The following CCDC74A variants were observed in gnomAD, a reference collection of about 807,000 sequenced individuals.
CCDC74A encodes coiled-coil domain-containing protein 74A.
CCDC74A carries 38 observed loss-of-function variants against 37.6 expected under a neutral mutation model. The ratio of observed to expected loss-of-function variants is 1.01; its 90% CI spans 0.78 to 1.33. CCDC74A has a LOEUF of 1.33. Among genes scored for constraint, CCDC74A ranks in the 40% most tolerant of loss-of-function variants. CCDC74A has a pLI of 0.00. For synonymous variants in CCDC74A, 134 were observed against 165.2 expected (o/e 0.81, Z 1.45); for missense variants, 340 against 403.4 (o/e 0.84, Z 1.35).
chr2:131,528,806 G>C (rs773959206), intron 1 of CCDC74A, among the ~76,000 whole-genome samples: 2 of 152,134 alleles, frequency 1.3e-5, no homozygotes, highest in Non-Finnish European at 2.9e-5. Flanking sequence ...GCGAGACTCC[G>C]TCTCAAAAAA....
chr2:131,523,673 C>G (rs12464324), upstream of CCDC74A, among the ~76,000 whole-genome samples: 33,979 of 152,084 alleles, frequency 0.22, 4,942 homozygotes, highest in East Asian at 0.67. Flanking sequence ...GCGCCAGGGA[C>G]AGGCCATTTC....
At chr2:131,529,842 C>T in intron 2 of CCDC74A, 151 bp downstream of exon 2, 1 of 1,509,940 alleles carries the variant, frequency 6.6e-7, no homozygotes, top group Non-Finnish European at 8.9e-7. Context: ...GCCGCTACCT[C>T]TAGCCGTGGC....
upstream of CCDC74A, among the ~76,000 whole-genome samples, chr2:131,524,292 A>G (rs1323241855): frequency 1.3e-5 from 2 of 152,158 alleles, no homozygotes; most frequent in African/African-American, 4.8e-5. Flanking sequence ...GGAGATGTGT[A>G]TGGGTGCCAG....
upstream of CCDC74A, among the ~76,000 whole-genome samples, chr2:131,526,554 A>T (rs1237406547): frequency 1.3e-5 from 2 of 152,154 alleles, no homozygotes; most frequent in African/African-American, 4.8e-5. Flanking sequence ...TAGCATATTA[A>T]TCATAGTTGT....
Position 131,533,261 on chromosome 2 carries a change from C to G in CCDC74A, c.810-8C>G. ...TGCTCACGGTGACAGTCCCTCTACCCGCCCCAGCCTGAGCCCACCTGTGGC... is the reference window on the plus strand; with the variant it reads ...TGCTCACGGTGACAGTCCCTCTACCGGCCCCAGCCTGAGCCCACCTGTGGC... On this transcript the variant is annotated splice_region_variant and splice_polypyrimidine_tract_variant and intron_variant, in intron 7 of 7. Coordinates refer to ENST00000409856, the MANE Select transcript of CCDC74A (RefSeq NM_001258306.3). 6.2e-7 allele frequency: 1 copy of G among 1,612,562 alleles called. No individual in the cohort carries two copies. The highest frequency in any genetic ancestry group is 8.5e-7 in the Non-Finnish European group (1 of 1,179,782).
intron 1 of CCDC74A, 187 bp downstream of exon 1, chr2:131,528,407 C>T (rs1438631864): frequency 2.1e-5 from 33 of 1,550,622 alleles, no homozygotes; most frequent in Non-Finnish European, 2.7e-5. Context: ...CGCGTGGCCC[C>T]CGGGCAGTGC....
chr2:131,532,650 G>A lies in CCDC74A; in HGVS notation c.547G>A (p.Gly183Ser). 2 of 1,612,180 alleles carry A rather than the reference G, an allele frequency of 1.2e-6. No homozygotes were observed. Among genetic ancestry groups the A allele is most frequent in the Non-Finnish European group, 1.7e-6 (2 of 1,179,096 alleles). ...AACMGNSQHQ[G>S]RQMGAGAHPP... ...CTGTATGGGGAACAGCCAGCACCAG[G>A]GCAGGCAGATGGGGGCGGGGGCACA... The change falls in exon 5 of 8, where the codon GGC (glycine) becomes AGC (serine). Residue 183 changes from glycine to serine, a missense_variant. Gly to Ser is a moderately conservative substitution (Grantham distance 56, BLOSUM62 0). Coordinates refer to ENST00000409856, the MANE Select transcript of CCDC74A (RefSeq NM_001258306.3).
intron 2 of CCDC74A, chr2:131,530,007 C>T: frequency 6.5e-7 from 1 of 1,549,322 alleles, no homozygotes; most frequent in Non-Finnish European, 8.7e-7. Context: ...ACAGCCCCTG[C>T]CCTGCTAGAT....
At chr2:131,522,959 C>T (rs1340697026), upstream of CCDC74A, among the ~76,000 whole-genome samples, 6 of 152,162 alleles carry the variant, frequency 3.9e-5, no homozygotes, top group Non-Finnish European at 7.4e-5. Context: ...GGCTGGAGTG[C>T]ACTGCACCAT....
chr2:131,531,011 G>A (rs1573542900), intron 3 of CCDC74A, among the ~76,000 whole-genome samples, 184 bp downstream of exon 3: 1 of 152,196 alleles, frequency 6.6e-6, no homozygotes, highest in East Asian at 1.9e-4. Context: ...AAGGGGGGGT[G>A]GGCAGGACCA....
chr2:131,523,919 G>T (rs1454011195), upstream of CCDC74A, among the ~76,000 whole-genome samples: 1 of 151,916 alleles, frequency 6.6e-6, no homozygotes, highest in African/African-American at 2.4e-5. Flanking sequence ...CTATGGGAAG[G>T]ATCATGGGAA....
intron 3 of CCDC74A, among the ~76,000 whole-genome samples, chr2:131,531,386 G>A (rs1012310651): frequency 3.3e-5 from 5 of 151,846 alleles, no homozygotes; most frequent in African/African-American, 1.2e-4. Context: ...TGGGTCCCAA[G>A]CCTCTCATGC....
In CCDC74A at chr2:131,533,609, G is replaced by A. The variant is rs545409053; in HGVS notation, c.*211G>A. ...ATTTGGCATTTACATAAAAGCACAC[G>A]ATGAAGCAGGTATCGCCTTACCTGT... On this transcript the variant is annotated 3_prime_UTR_variant, in exon 8 of 8. Transcript: ENST00000409856. 3.0e-5 allele frequency: 19 copies of A among 641,510 alleles called. No homozygotes were observed. Among genetic ancestry groups the A allele is most frequent in the East Asian group, 2.0e-4 (7 of 35,670 alleles). 39.7% of individuals were successfully genotyped at this position (641,510 alleles called of 1,614,324 possible).
rs773854683 is a variant in CCDC74A, at chr2:131,533,281, T to A, written c.822T>A (p.Pro274=). The change falls in exon 8 of 8, where the codon CCT becomes CCA. Residue 274 remains proline (P), a synonymous_variant. Coordinates refer to ENST00000409856, the MANE Select transcript of CCDC74A (RefSeq NM_001258306.3). ...KSLSKKCLSP[P]VAERAILPAL... is the part of the protein sequence containing the mutation. The stretch of plus-strand genomic sequence containing the variant: ...CTACCCGCCCCAGCCTGAGCCCACC[T>A]GTGGCGGAGCGTGCCATCCTGCCCG... The A allele has an allele frequency of 6.2e-7, 1 of 1,613,066 alleles. No homozygotes were observed. The highest frequency in any genetic ancestry group is 8.5e-7 in the Non-Finnish European group (1 of 1,179,906).
Position 131,532,932 on chromosome 2 carries a change from T to C in CCDC74A, c.747T>C (p.Phe249=). Residue 249 remains phenylalanine (F), a synonymous_variant, in exon 6 of 8, where the codon TTT becomes TTC. Coordinates refer to ENST00000409856, the MANE Select transcript of CCDC74A (RefSeq NM_001258306.3). ...RPQAAPEEAS[F]PRDQEATHFP... ...AGGCAGCCCCGGAGGAAGCTAGCTT[T>C]CCCAGGTGAGTGCCTGGTGCACCCC... 1 of 1,613,852 alleles carries C rather than the reference T, an allele frequency of 6.2e-7. No homozygotes were observed. Among genetic ancestry groups the C allele is most frequent in the Non-Finnish European group, 8.5e-7 (1 of 1,179,862 alleles).
Position 131,528,005 on chromosome 2 carries a change from C to A in CCDC74A, c.35C>A (p.Pro12His). 1.4e-6 allele frequency: 2 copies of A among 1,465,822 alleles called. No individual in the cohort carries two copies. The highest frequency in any genetic ancestry group is 1.8e-6 in the Non-Finnish European group (2 of 1,110,008). The allele number at this position is 1,465,822 out of a possible 1,614,324, so 90.8% of individuals were successfully genotyped here. A position where few individuals can be genotyped will look rare whatever the true frequency, so the allele number is the denominator to read the frequency against. ...SGAGVAAGTR[P>H]PSSPTPGSRR... is the part of the protein sequence containing the mutation. ...GCGGGGGTGGCGGCTGGGACGCGGC[C>A]CCCCAGCTCGCCGACCCCGGGCTCT... Residue 12 changes from proline (P) to histidine (H), a missense_variant, in exon 1 of 8, where the codon CCC becomes CAC. Coordinates refer to ENST00000409856, the MANE Select transcript of CCDC74A (RefSeq NM_001258306.3).
At chr2:131,530,686 C>T in intron 2 of CCDC74A, 91 bp from the exon 3 acceptor site, 1 of 1,613,286 alleles carries the variant, frequency 6.2e-7, no homozygotes, top group Non-Finnish European at 8.5e-7. Context: ...CCCTGCCAGG[C>T]TGAAGGAGGG....
upstream of CCDC74A, among the ~76,000 whole-genome samples, chr2:131,525,736 T>TTTTTA (rs1680278211): frequency 7.6e-6 from 1 of 132,234 alleles, no homozygotes; most frequent in African/African-American, 2.8e-5. Context: ...TTTTTTTTTT[T>TTTTTA]GAGATGGAGT....
intron 3 of CCDC74A, among the ~76,000 whole-genome samples, chr2:131,531,085 A>C (rs1402193229): frequency 6.6e-6 from 1 of 152,120 alleles, no homozygotes; most frequent in Non-Finnish European, 1.5e-5. Flanking sequence ...GCAAGCAGGC[A>C]GGAGGGGCCT....
Sources: allele counts gnomAD v4.1 joint callset (sites outside exome capture counted in the v4.1 genomes callset), GRCh38; gene constraint gnomAD v4.1.1; transcripts MANE v1.5; gene names NCBI Gene and HGNC (gene_info 2026-07-23, HGNC 2026-07-21).